GRID1: variants seen among roughly 807,000 people sequenced by gnomAD.
GRID1 encodes the protein glutamate ionotropic receptor delta type subunit 1.
In GRID1, 28 loss-of-function variants were observed where a neutral mutation model predicts 98.0. The observed-to-expected ratio is 0.29, with a 90% CI of 0.21 to 0.39. The LOEUF (loss-of-function observed/expected upper bound fraction) is 0.39, where lower values mean the gene tolerates loss of function less well. Ranked by LOEUF, GRID1 falls within the 10% of genes least tolerant of loss-of-function variation. The probability of loss-of-function intolerance (pLI) is 1.00; values close to 1 mark genes in which losing one functional copy is unlikely to be tolerated. For missense variants in GRID1, 1,111 were observed against 1,340.5 expected, an observed-to-expected ratio of 0.83 and a Z score of 2.67; for synonymous variants, 553 against 538.5, an observed-to-expected ratio of 1.03 and a Z score of -0.37.
chr10:85,926,883 T>A (rs1841781495), intron 4 of GRID1, among the ~76,000 whole-genome samples: 1 of 152,156 alleles, frequency 6.6e-6, no homozygotes, highest in Non-Finnish European at 1.5e-5. Flanking sequence ...GCCATAAAGA[T>A]TTCTTAATTC....
Position 86,085,255 on chromosome 10 carries a change from C to T in GRID1, c.726+53564G>A, listed in dbSNP as rs1589365951. Among the ~76,000 whole-genome samples the T allele has an allele frequency of 3.3e-5, 5 of 152,288 alleles. 1 individual carries two copies. The highest frequency in any genetic ancestry group is 3.3e-4 in the Admixed American group (5 of 15,302). ...GGAACCTTGGGTCCTCGGCTTGTTT[C>T]CCTGGGCTTTCGGGGCTCAGCCAGT... On this transcript the variant is annotated intron_variant, in intron 4 of 15. Transcript: ENST00000327946.
At chr10:85,732,871 T>C (rs1841841019) in intron 8 of GRID1, among the ~76,000 whole-genome samples, 1 of 152,290 alleles carries the variant, frequency 6.6e-6, no homozygotes, top group East Asian at 1.9e-4. Flanking sequence ...GTAGTTACAG[T>C]ACACTAAAAT....
chr10:85,858,839 C>G lies in GRID1; in HGVS notation c.952-2649G>C, dbSNP rs556744424. ...GTCCACAGCACCAGCGCATCTGTGG[C>G]TCTGACCAGAACCCAGTGGAATCTC... On this transcript the variant is annotated intron_variant, in intron 6 of 15. Coordinates refer to ENST00000327946, the MANE Select transcript of GRID1 (RefSeq NM_017551.3). Among the ~76,000 whole-genome samples the G allele has an allele frequency of 4.6e-5, 7 of 152,296 alleles. No homozygotes were observed. In the South Asian group the frequency reaches 1.5e-3, roughly 32 times the overall value.
rs146752941 is a variant in GRID1 at position 86,049,435 on chromosome 10, T to C, written c.726+89384A>G. On this transcript the variant is annotated intron_variant, in intron 4 of 15. Transcript: ENST00000327946. ...ATATTATTTCCTGAATAAGAATAACTGGTGGAGATGCGGCTACTATATGGC... is the reference window on the plus strand; with the variant it reads ...ATATTATTTCCTGAATAAGAATAACCGGTGGAGATGCGGCTACTATATGGC... Among the ~76,000 whole-genome samples the C allele has an allele frequency of 1.4e-3, 207 of 152,310 alleles. 1 individual carries two copies. The East Asian group carries it at 0.02, about 15-fold the overall frequency.
At chr10:85,940,112 G>T (rs762374678) in intron 4 of GRID1, among the ~76,000 whole-genome samples, 3 of 151,572 alleles carry the variant, frequency 2.0e-5, no homozygotes, top group Non-Finnish European at 4.4e-5. Context: ...ACAGCTGTGG[G>T]CAGGGGGCAT....
intron 4 of GRID1, among the ~76,000 whole-genome samples, chr10:86,077,607 C>G (rs969886646): frequency 6.6e-6 from 1 of 152,198 alleles, no homozygotes; most frequent in East Asian, 1.9e-4. Flanking sequence ...GACCTCCATT[C>G]GAACACATAT....
At chr10:86,036,021 G>A (rs922570099) in intron 4 of GRID1, among the ~76,000 whole-genome samples, 9 of 152,152 alleles carry the variant, frequency 5.9e-5, no homozygotes, top group African/African-American at 1.2e-4. Context: ...AGGGCACATC[G>A]CCAAATGCAT....
chr10:85,946,835 C>T (rs1842059744), intron 4 of GRID1, among the ~76,000 whole-genome samples: 1 of 152,192 alleles, frequency 6.6e-6, no homozygotes, highest in African/African-American at 2.4e-5. Context: ...CCCAGTGTGG[C>T]CTGTGGAGCT....
At chr10:85,829,753 A>C (rs1278283970) in intron 8 of GRID1, among the ~76,000 whole-genome samples, 3 of 152,178 alleles carry the variant, frequency 2.0e-5, no homozygotes, top group Non-Finnish European at 4.4e-5. Flanking sequence ...AAGAGGTGAA[A>C]GATTTCTACA....
intron 13 of GRID1, among the ~76,000 whole-genome samples, chr10:85,631,371 G>A (rs1296789422): frequency 6.6e-6 from 1 of 152,130 alleles, no homozygotes; most frequent in East Asian, 1.9e-4. Flanking sequence ...CCAGATTCTT[G>A]TCAAGCTTTT....
intron 2 of GRID1, among the ~76,000 whole-genome samples, chr10:86,310,185 ACCTTCCTGGCCCCATC>A (rs1316543665): frequency 2.6e-5 from 4 of 152,218 alleles, no homozygotes; most frequent in Non-Finnish European, 5.9e-5. Context: ...CAGCCCTCAT[ACCTTCCTGGCCCCATC>A]CCCAAGCCCA....
intron 4 of GRID1, among the ~76,000 whole-genome samples, chr10:85,963,919 C>T (rs1248990009): frequency 6.6e-6 from 1 of 152,148 alleles, no homozygotes; most frequent in Non-Finnish European, 1.5e-5. Context: ...TTATACATGG[C>T]AGAGTAAGGA....
chr10:85,716,080 T>C (rs11528412), intron 12 of GRID1, among the ~76,000 whole-genome samples: 9,127 of 152,038 alleles, frequency 0.06, 525 homozygotes, highest in African/African-American at 0.15. Flanking sequence ...CTGCTTTTTG[T>C]ATTTTTACTA....
chr10:85,879,891 G>C (rs1157986030), intron 5 of GRID1, among the ~76,000 whole-genome samples: 1 of 151,886 alleles, frequency 6.6e-6, no homozygotes, highest in East Asian at 1.9e-4. Context: ...TAATAAAGAA[G>C]AAAAGAGAGA....
intron 4 of GRID1, among the ~76,000 whole-genome samples, chr10:86,022,558 T>C (rs936281236): frequency 2.8e-4 from 42 of 152,182 alleles, no homozygotes; most frequent in African/African-American, 7.5e-4. Flanking sequence ...CTCTTTTTTT[T>C]CCCCGAGGTC....
chr10:86,008,745 G>A (rs181601016), intron 4 of GRID1, among the ~76,000 whole-genome samples: 1 of 152,256 alleles, frequency 6.6e-6, no homozygotes, highest in Admixed American at 6.5e-5. Flanking sequence ...ACCTCCATGT[G>A]TTTCAGAGTA....
At chr10:85,825,715 G>A (rs59224293) in intron 8 of GRID1, among the ~76,000 whole-genome samples, 3,313 of 151,962 alleles carry the variant, frequency 0.022, 112 homozygotes, top group African/African-American at 0.075. Context: ...TTTTTAAATG[G>A]TCAATCAAAA....
intron 4 of GRID1, among the ~76,000 whole-genome samples, chr10:85,948,360 G>A (rs1366095066): frequency 1.3e-5 from 2 of 152,222 alleles, no homozygotes; most frequent in African/African-American, 4.8e-5. Flanking sequence ...AAGTGGTTGA[G>A]GATGGAGTTG....
At chr10:85,872,417 A>G (rs1456147030) in intron 5 of GRID1, among the ~76,000 whole-genome samples, 2 of 152,152 alleles carry the variant, frequency 1.3e-5, no homozygotes, top group Non-Finnish European at 1.5e-5. Context: ...CCATTTTCCT[A>G]GAAGTCCTTT....
Sources: allele counts gnomAD v4.1 joint callset (sites outside exome capture counted in the v4.1 genomes callset), GRCh38; gene constraint gnomAD v4.1.1; transcripts MANE v1.5; gene names NCBI Gene and HGNC (gene_info 2026-07-23, HGNC 2026-07-21).